Variants in TMPRSS11D observed in about 807,000 individuals in gnomAD.
The protein encoded by TMPRSS11D is transmembrane serine protease 11D.
Under a neutral mutation model 44.4 loss-of-function variants are expected in TMPRSS11D, and 32 were observed. The ratio of observed to expected loss-of-function variants is 0.72; its 90% confidence interval spans 0.54 to 0.97. The LOEUF (loss-of-function observed/expected upper bound fraction) is 0.97, where lower values mean the gene tolerates loss of function less well. TMPRSS11D is among the 50% of genes least tolerant of loss of function. TMPRSS11D has a pLI of 0.00. For missense variants in TMPRSS11D, 446 were observed against 502.6 expected (o/e 0.89, Z 1.08); for synonymous variants, 179 against 177.9 (o/e 1.01, Z -0.05).
chr4:67,834,603 A>G (rs528761257), intron 6 of TMPRSS11D, among the ~76,000 whole-genome samples: 6 of 152,276 alleles, frequency 3.9e-5, no homozygotes, highest in Non-Finnish European at 7.4e-5. Flanking sequence ...GTTGAAGAGT[A>G]GTGACTTTTC....
chr4:67,823,343 A>C (rs1052972550), intron 9 of TMPRSS11D, among the ~76,000 whole-genome samples: 1 of 152,160 alleles, frequency 6.6e-6, no homozygotes, highest in African/African-American at 2.4e-5. Flanking sequence ...ATTTGTGCAC[A>C]TAATAACCTA....
intron 3 of TMPRSS11D, among the ~76,000 whole-genome samples, chr4:67,850,694 C>T (rs1718483096): frequency 6.6e-6 from 1 of 152,202 alleles, no homozygotes; most frequent in Admixed American, 6.5e-5. Context: ...TCTGCATGGT[C>T]AGGATATGCC....
intron 1 of TMPRSS11D, among the ~76,000 whole-genome samples, chr4:67,875,559 C>T (rs771358540): frequency 1.8e-4 from 27 of 152,188 alleles, no homozygotes; most frequent in African/African-American, 5.3e-4. Flanking sequence ...TCTCCCCATC[C>T]GCAACCCGTC....
At chr4:67,839,938 G>A (rs1168680636) in intron 4 of TMPRSS11D, among the ~76,000 whole-genome samples, 5 of 150,568 alleles carry the variant, frequency 3.3e-5, no homozygotes, top group African/African-American at 4.9e-5. Flanking sequence ...CCATTAACTC[G>A]TCATTTAGCA....
In TMPRSS11D at chr4:67,828,620, C is replaced by T. The variant is rs560295847; in HGVS notation, c.693-1100G>A. Among the ~76,000 whole-genome samples the T allele has an allele frequency of 2.2e-4, 33 of 152,242 alleles. 1 individual carries two copies. The highest frequency in any genetic ancestry group is 1.9e-3 in the Admixed American group (29 of 15,282). On this transcript the variant is annotated intron_variant, in intron 7 of 9. Coordinates refer to ENST00000283916, the MANE Select transcript of TMPRSS11D (RefSeq NM_004262.3). ...TACTTGATGGATGCCAAAACTGTTT[C>T]GCCCAGATCAGCTGCACCCAAGGTC...
At chr4:67,824,347 A>G (rs1262263161) in intron 9 of TMPRSS11D, among the ~76,000 whole-genome samples, 1 of 152,066 alleles carries the variant, frequency 6.6e-6, no homozygotes, top group Non-Finnish European at 1.5e-5. Context: ...TTTAAAACTC[A>G]TGTTTATTTT....
At chr4:67,883,100 T>C (rs780473442) in intron 1 of TMPRSS11D, among the ~76,000 whole-genome samples, 26 of 152,162 alleles carry the variant, frequency 1.7e-4, no homozygotes, top group Non-Finnish European at 3.1e-4. Context: ...AATTTTCCAA[T>C]GTTCAGGAGA....
chr4:67,865,636 A>C (rs990901056), intron 1 of TMPRSS11D, among the ~76,000 whole-genome samples: 8 of 151,772 alleles, frequency 5.3e-5, no homozygotes, highest in Admixed American at 2.0e-4. Flanking sequence ...AGAAATGAAA[A>C]AGGAAACTAC....
chr4:67,847,920 A>G (rs1461979032), intron 3 of TMPRSS11D, among the ~76,000 whole-genome samples: 1 of 152,084 alleles, frequency 6.6e-6, no homozygotes, highest in Non-Finnish European at 1.5e-5. Flanking sequence ...TGTGTTTCTT[A>G]GACACTTGCA....
At chr4:67,839,902 ACATGTGC>A (rs1397362590) in intron 4 of TMPRSS11D, among the ~76,000 whole-genome samples, 19 of 151,614 alleles carry the variant, frequency 1.3e-4, no homozygotes, top group Admixed American at 1.2e-3. Context: ...ACATATGTAT[ACATGTGC>A]CATGTTGGTG....
At chr4:67,857,354 A>C (rs1718677115) in intron 2 of TMPRSS11D, among the ~76,000 whole-genome samples, 1 of 145,334 alleles carries the variant, frequency 6.9e-6, no homozygotes, top group Non-Finnish European at 1.5e-5. Context: ...CACATACACA[A>C]TGGAATACTA....
At position 67,860,425 on chromosome 4, in the gene TMPRSS11D, G is replaced by T. The variant is rs189638582; in HGVS notation, c.9-747C>A. 7.9e-5 allele frequency: 12 copies of T among 152,056 alleles called. No homozygotes were observed. In the East Asian group the frequency reaches 2.1e-3, roughly 27 times the overall value. 9.4% of individuals were successfully genotyped at this position (152,056 alleles called of 1,614,324 possible). A position where few individuals can be genotyped will look rare whatever the true frequency, so the allele number is the denominator to read the frequency against. ...GGAGGTCATATTGTCATTTATCTGA[G>T]ATTTTCTTTATCTGAAAAATAGGAA... On this transcript the variant is annotated intron_variant, in intron 1 of 9. Coordinates refer to ENST00000283916, the MANE Select transcript of TMPRSS11D (RefSeq NM_004262.3).
chr4:67,834,102 G>A (rs528910923), intron 6 of TMPRSS11D, among the ~76,000 whole-genome samples: 327 of 152,128 alleles, frequency 2.1e-3, no homozygotes, highest in Non-Finnish European at 3.7e-3. Flanking sequence ...GAGCTGAAAC[G>A]GGCTGGGGTA....
At chr4:67,850,032 A>G (rs1474253910) in intron 3 of TMPRSS11D, among the ~76,000 whole-genome samples, 1 of 152,222 alleles carries the variant, frequency 6.6e-6, no homozygotes, top group Non-Finnish European at 1.5e-5. Flanking sequence ...AAGATTAACT[A>G]GGGAACTCAT....
At chr4:67,842,829 T>C (rs1718263969) in intron 3 of TMPRSS11D, among the ~76,000 whole-genome samples, 1 of 152,250 alleles carries the variant, frequency 6.6e-6, no homozygotes. Flanking sequence ...CTTTATCTGT[T>C]ATACAGAGAT....
At chr4:67,827,179 C>T (rs1717815684) in intron 8 of TMPRSS11D, 82 bp downstream of exon 8, 1 of 1,489,856 alleles carries the variant, frequency 6.7e-7, no homozygotes, top group Non-Finnish European at 9.0e-7. Flanking sequence ...ACACCTATTC[C>T]AGATGTTTCC....
intron 1 of TMPRSS11D, among the ~76,000 whole-genome samples, 172 bp downstream of exon 1, chr4:67,883,754 A>G (rs1307505364): frequency 6.6e-6 from 1 of 152,108 alleles, no homozygotes; most frequent in African/African-American, 2.4e-5. Flanking sequence ...CCTTATGAAA[A>G]TAATATCAAG....
chr4:67,829,445 GT>G (rs143735807), intron 7 of TMPRSS11D, among the ~76,000 whole-genome samples: 118,269 of 147,590 alleles, frequency 0.8, 47,860 homozygotes, highest in Middle Eastern at 0.9. Flanking sequence ...GAACAGTAGC[GT>G]TAAAAAAAAA....
At position 67,833,256 on chromosome 4, in the gene TMPRSS11D, C is replaced by T; in HGVS notation, c.640G>A (p.Gly214Ser). ...ATCCACATGTTATTGATCAGGCTGC[C>T]TCCACAGTGGTGGGCATTATTGAGC... ...LRLNNAHHCG[G>S]SLINNMWILT... The change falls in exon 7 of 10, where the codon GGC (glycine) becomes AGC (serine). Residue 214 changes from glycine (G) to serine (S), a missense_variant. By Grantham distance (56) the Gly-to-Ser change is moderately conservative. Transcript: ENST00000283916. 1 of 1,583,040 alleles carries T rather than the reference C, an allele frequency of 6.3e-7. No individual in the cohort carries two copies. The highest frequency in any genetic ancestry group is 8.6e-7 in the Non-Finnish European group (1 of 1,165,806).
Sources: gnomAD v4.1 joint callset for allele counts (sites outside exome capture counted in the v4.1 genomes callset) on GRCh38, gnomAD v4.1.1 for gene constraint, MANE v1.5 for transcripts, NCBI Gene and HGNC (gene_info 2026-07-23, HGNC 2026-07-21) for gene names.